PHF24: variants seen among roughly 807,000 people sequenced by gnomAD.
PHF24 encodes PHD finger protein 24.
A neutral mutation model predicts 42.6 loss-of-function variants in PHF24; 25 were observed. The observed-to-expected ratio is 0.59, with a 90% confidence interval of 0.43 to 0.82. The LOEUF (loss-of-function observed/expected upper bound fraction) is 0.82, where lower values mean the gene tolerates loss of function less well. Ranked by LOEUF, PHF24 falls within the 40% of genes least tolerant of loss-of-function variation. PHF24 has a pLI of 0.00. For missense variants in PHF24, 470 were observed against 538.1 expected, an observed-to-expected ratio of 0.87 and a Z score of 1.25; for synonymous variants, 185 against 204.8, an observed-to-expected ratio of 0.90 and a Z score of 0.83.
the PHF24 span, among the ~76,000 whole-genome samples, chr9:34,931,383 A>G: frequency 6.6e-6 from 1 of 150,614 alleles, no homozygotes; most frequent in African/African-American, 2.4e-5. Flanking sequence ...ATCAAAAAAA[A>G]AAAAAAAAAA....
the PHF24 span, among the ~76,000 whole-genome samples, chr9:34,946,049 G>A: frequency 6.6e-6 from 1 of 152,296 alleles, no homozygotes; most frequent in Non-Finnish European, 1.5e-5. Flanking sequence ...CAGTTGATTC[G>A]GAGTGCAGCA....
At chr9:34,788,836 ACT>A in the PHF24 span, among the ~76,000 whole-genome samples, 382 of 152,126 alleles carry the variant, frequency 2.5e-3, 1 homozygote, top group African/African-American at 8.3e-3. Flanking sequence ...AGAAAGGAAC[ACT>A]CTGAAATGCT....
chr9:34,723,181 C>A, the PHF24 span: 1 of 1,517,046 alleles, frequency 6.6e-7, no homozygotes, highest in South Asian at 1.3e-5. Context: ...CATGGCTCTG[C>A]ATGTTCTCCT....
At chr9:34,858,458 G>A in the PHF24 span, among the ~76,000 whole-genome samples, 1 of 152,174 alleles carries the variant, frequency 6.6e-6, no homozygotes, top group Non-Finnish European at 1.5e-5. Context: ...GGGGTGAGTA[G>A]GGATGAGCCT....
chr9:34,843,002 G>A, the PHF24 span, among the ~76,000 whole-genome samples: 1 of 152,102 alleles, frequency 6.6e-6, no homozygotes, highest in Non-Finnish European at 1.5e-5. Context: ...TGCACTCTGT[G>A]TCATCCATTT....
At chr9:34,911,410 C>T in the PHF24 span, among the ~76,000 whole-genome samples, 9 of 152,216 alleles carry the variant, frequency 5.9e-5, no homozygotes, top group Non-Finnish European at 1.0e-4. Flanking sequence ...CCCGCCACCA[C>T]GCCTGGATAA....
At chr9:34,705,507 A>G in the PHF24 span, among the ~76,000 whole-genome samples, 1 of 152,174 alleles carries the variant, frequency 6.6e-6, no homozygotes, top group African/African-American at 2.4e-5. Flanking sequence ...GTTGGTCTCA[A>G]ACTCCTGAGC....
chr9:34,969,469 G>A (rs961483153), intron 1 of PHF24, among the ~76,000 whole-genome samples: 30 of 151,906 alleles, frequency 2.0e-4, no homozygotes, highest in African/African-American at 6.5e-4. Context: ...GTGAAACCCC[G>A]TCTCTACTAA....
At chr9:34,875,490 T>C in the PHF24 span, among the ~76,000 whole-genome samples, 1 of 152,162 alleles carries the variant, frequency 6.6e-6, no homozygotes, top group Non-Finnish European at 1.5e-5. Flanking sequence ...TCACATATAA[T>C]AAAAGTAGGA....
chr9:34,710,563 G>A, the PHF24 span, among the ~76,000 whole-genome samples: 3 of 151,412 alleles, frequency 2.0e-5, no homozygotes, highest in East Asian at 1.9e-4. Flanking sequence ...CGCCTCCTGG[G>A]CTCGAGTGAT....
At chr9:34,959,645 C>G (rs547558350) in intron 1 of PHF24, among the ~76,000 whole-genome samples, 44 of 152,330 alleles carry the variant, frequency 2.9e-4, no homozygotes, top group African/African-American at 9.4e-4. Flanking sequence ...GCTGCAGGAA[C>G]TGATTTCCAC....
chr9:34,786,889 T>C, the PHF24 span, among the ~76,000 whole-genome samples: 2 of 152,222 alleles, frequency 1.3e-5, no homozygotes, highest in African/African-American at 4.8e-5. Flanking sequence ...TTTGGTGTTT[T>C]ATCTCCTGAA....
At chr9:34,695,452 TTC>T in the PHF24 span, among the ~76,000 whole-genome samples, 1 of 152,242 alleles carries the variant, frequency 6.6e-6, no homozygotes. Flanking sequence ...AAGTAAGTGT[TTC>T]TCTGACTTCT....
the PHF24 span, chr9:34,838,204 A>G: frequency 3.5e-6 from 2 of 576,288 alleles, no homozygotes; most frequent in East Asian, 5.8e-5. Context: ...GGCTCTGAGA[A>G]GGAAAAGACT....
At chr9:34,892,626 A>G in the PHF24 span, 1 of 443,658 alleles carries the variant, frequency 2.3e-6, no homozygotes, top group East Asian at 3.3e-5. Context: ...GTTCAGGGAA[A>G]GAAAGGGAAT....
chr9:34,750,258 C>T, the PHF24 span, among the ~76,000 whole-genome samples: 3 of 152,024 alleles, frequency 2.0e-5, no homozygotes, highest in South Asian at 6.2e-4. Flanking sequence ...AGTTAAAAAG[C>T]AGGGTATTGG....
At chr9:34,978,310 G>A in exon 8 of PHF24, 3 of 569,376 alleles carry the variant, frequency 5.3e-6, no homozygotes, top group Non-Finnish European at 9.5e-6. Flanking sequence ...ACAAGGAGAA[G>A]CCCTGGGAGC....
chr9:34,934,404 A>AAAT, the PHF24 span, among the ~76,000 whole-genome samples: 1 of 152,182 alleles, frequency 6.6e-6, no homozygotes, highest in Non-Finnish European at 1.5e-5. Context: ...CTGTCTCTCA[A>AAAT]AATTCATTTT....
At chr9:34,981,736 CTTTTTT>C (rs78290203) in exon 8 of PHF24, 1 of 139,024 alleles carries the variant, frequency 7.2e-6, no homozygotes, top group African/African-American at 2.6e-5. Context: ...TTCCTATTTT[CTTTTTT>C]TTTTTTTTTT....
Sources: gnomAD v4.1 joint callset for allele counts (sites outside exome capture counted in the v4.1 genomes callset) on GRCh38, gnomAD v4.1.1 for gene constraint, MANE v1.5 for transcripts, NCBI Gene and HGNC (gene_info 2026-07-23, HGNC 2026-07-21) for gene names.